The following ZRANB3 variants were observed in gnomAD, a reference collection of about 807,000 sequenced individuals.
ZRANB3 encodes DNA annealing helicase and endonuclease ZRANB3.
Under a neutral mutation model 133.8 loss-of-function variants are expected in ZRANB3, and 125 were observed. The ratio of observed to expected loss-of-function variants is 0.93; its 90% CI spans 0.81 to 1.08. ZRANB3 has a LOEUF of 1.08. Ranked by LOEUF, ZRANB3 falls within the 50% of genes least tolerant of loss-of-function variation. The pLI is 0.00. For missense variants in ZRANB3, 1,229 were observed against 1,275.5 expected, an observed-to-expected ratio of 0.96 and a Z score of 0.56; for synonymous variants, 387 against 432.7, an observed-to-expected ratio of 0.89 and a Z score of 1.31.
chr2:135,354,551 T>A (rs566168376), intron 3 of ZRANB3, among the ~76,000 whole-genome samples: 1 of 152,326 alleles, frequency 6.6e-6, no homozygotes, highest in East Asian at 1.9e-4. Context: ...TGTGCATGAA[T>A]AATCAAATGA....
chr2:135,353,559 T>C lies in ZRANB3; in HGVS notation c.250A>G (p.Ile84Val), dbSNP rs572388412. Residue 84 changes from isoleucine (I) to valine (V), a missense_variant, in exon 4 of 21, where the codon ATA (isoleucine) becomes GTA (valine). Ile to Val is a conservative substitution (Grantham distance 29, BLOSUM62 3). Coordinates refer to ENST00000264159, the MANE Select transcript of ZRANB3 (RefSeq NM_032143.4). Reference sequence around the variant, plus strand: ...TACCTCAGAGACGAAGGGACCACTATTAACAGAGGCCATTCCTCTTTATAG... The same window carrying C: ...TACCTCAGAGACGAAGGGACCACTACTAACAGAGGCCATTCCTCTTTATAG... ...YFYKEEWPLL[I>V]VVPSSLRYPW... 2.5e-6 allele frequency: 4 copies of C among 1,609,286 alleles called. No individual in the cohort carries two copies. In the South Asian group the frequency reaches 4.4e-5, roughly 18 times the overall value.
chr2:135,357,388 T>A (rs1297879621), intron 3 of ZRANB3, among the ~76,000 whole-genome samples: 1 of 152,066 alleles, frequency 6.6e-6, no homozygotes, highest in African/African-American at 2.4e-5. Context: ...GTCTGCCTCC[T>A]GGGTTCAAGC....
At chr2:135,373,306 T>C (rs758680995) in intron 3 of ZRANB3, among the ~76,000 whole-genome samples, 2 of 152,044 alleles carry the variant, frequency 1.3e-5, no homozygotes, top group Non-Finnish European at 2.9e-5. Flanking sequence ...TAGGATATGA[T>C]TCAAACTACA....
At chr2:135,418,906 T>C (rs1187085303) in intron 2 of ZRANB3, among the ~76,000 whole-genome samples, 2 of 146,308 alleles carry the variant, frequency 1.4e-5, no homozygotes, top group African/African-American at 5.0e-5. Flanking sequence ...GCCAAAGTAA[T>C]GAAAAATAAG....
rs2105109218 is a variant in ZRANB3, at chr2:135,262,857, T to C, written c.1539+2677A>G. Among the ~76,000 whole-genome samples the C allele has an allele frequency of 1.3e-5, 2 of 151,900 alleles. 1 individual carries two copies. Among genetic ancestry groups the C allele is most frequent in the Admixed American group, 1.3e-4 (2 of 15,270 alleles). On this transcript the variant is annotated intron_variant, in intron 12 of 20. Transcript: ENST00000264159. ...TAAATTACAAATTTCTCTAATATATTATTTCTTATTAAATTTATAAATAAT... is the reference window on the plus strand; with the variant it reads ...TAAATTACAAATTTCTCTAATATATCATTTCTTATTAAATTTATAAATAAT...
At chr2:135,436,636 A>G (rs1249150131) in intron 2 of ZRANB3, among the ~76,000 whole-genome samples, 1 of 152,232 alleles carries the variant, frequency 6.6e-6, no homozygotes, top group South Asian at 2.1e-4. Context: ...ATGGAAGAAC[A>G]TCTCATGCTC....
intron 2 of ZRANB3, among the ~76,000 whole-genome samples, chr2:135,436,928 C>T (rs910003525): frequency 2.6e-5 from 4 of 152,192 alleles, no homozygotes; most frequent in South Asian, 2.1e-4. Context: ...GGAAACAACA[C>T]AAATGTTCAT....
intron 8 of ZRANB3, among the ~76,000 whole-genome samples, chr2:135,285,306 T>G (rs1042097061): frequency 3.3e-5 from 5 of 152,228 alleles, no homozygotes; most frequent in African/African-American, 1.2e-4. Flanking sequence ...AATATACTCT[T>G]TCATCCTCTA....
chr2:135,485,190 T>A (rs112105522), intron 2 of ZRANB3, among the ~76,000 whole-genome samples: 107 of 139,856 alleles, frequency 7.7e-4, no homozygotes, highest in East Asian at 4.7e-3. Context: ...AAACAAAACA[T>A]AACATAACAT....
intron 2 of ZRANB3, among the ~76,000 whole-genome samples, chr2:135,496,848 CG>C (rs1553504751): frequency 6.6e-6 from 1 of 152,134 alleles, no homozygotes; most frequent in Non-Finnish European, 1.5e-5. Flanking sequence ...AAGCCCAATG[CG>C]ATACCAACTC....
intron 8 of ZRANB3, among the ~76,000 whole-genome samples, chr2:135,287,600 T>A (rs1391238968): frequency 6.6e-6 from 1 of 152,050 alleles, no homozygotes; most frequent in Non-Finnish European, 1.5e-5. Flanking sequence ...CGTCTGTGAT[T>A]TCCTTCAGCA....
At chr2:135,436,015 C>T (rs949910591) in intron 2 of ZRANB3, among the ~76,000 whole-genome samples, 9 of 152,096 alleles carry the variant, frequency 5.9e-5, no homozygotes, top group East Asian at 1.9e-4. Flanking sequence ...CTTCTGTTTT[C>T]GTTGCAATTG....
chr2:135,391,617 T>C (rs1453628523), intron 2 of ZRANB3, among the ~76,000 whole-genome samples: 1 of 151,266 alleles, frequency 6.6e-6, no homozygotes, highest in Non-Finnish European at 1.5e-5. Context: ...TCTCGCTCTG[T>C]TGCCCAGGCT....
At chr2:135,441,973 A>G (rs1344926668) in intron 2 of ZRANB3, among the ~76,000 whole-genome samples, 3 of 152,188 alleles carry the variant, frequency 2.0e-5, no homozygotes, top group Middle Eastern at 3.4e-3. Flanking sequence ...ACATTCAACA[A>G]TGAGGGATAT....
At chr2:135,390,223 T>C (rs56217954) in intron 3 of ZRANB3, among the ~76,000 whole-genome samples, 6,740 of 152,156 alleles carry the variant, frequency 0.044, 498 homozygotes, top group African/African-American at 0.16. Flanking sequence ...CAGCAACACA[T>C]TTCTCAAACG....
At chr2:135,252,435 G>C (rs967449097) in intron 12 of ZRANB3, among the ~76,000 whole-genome samples, 11 of 152,076 alleles carry the variant, frequency 7.2e-5, no homozygotes, top group African/African-American at 2.4e-4. Context: ...AATGCCTTTG[G>C]GAATGGCTGT....
chr2:135,469,438 A>T (rs1342071595), intron 2 of ZRANB3, among the ~76,000 whole-genome samples: 1 of 152,210 alleles, frequency 6.6e-6, no homozygotes, highest in Non-Finnish European at 1.5e-5. Flanking sequence ...AACTATCACA[A>T]GGAGGGTTAT....
chr2:135,425,780 G>A (rs1428441356), intron 2 of ZRANB3, among the ~76,000 whole-genome samples: 3 of 151,680 alleles, frequency 2.0e-5, no homozygotes, highest in Non-Finnish European at 2.9e-5. Flanking sequence ...CACACCAAGA[G>A]GAAATAGAGA....
In ZRANB3 at chr2:135,297,430, G is replaced by A. The variant is rs370949075; in HGVS notation, c.966+16059C>T. ...CGTTTGTGAAGCCCATTGGAAAAGCGCAGTATTAGGGTGGGAGTGACCCAA... is the reference window on the plus strand; with the variant it reads ...CGTTTGTGAAGCCCATTGGAAAAGCACAGTATTAGGGTGGGAGTGACCCAA... On this transcript the variant is annotated intron_variant, in intron 8 of 20. Transcript: ENST00000264159. Among the ~76,000 whole-genome samples the A allele has an allele frequency of 1.2e-4, 19 of 152,256 alleles. No homozygotes were observed. In the South Asian group the frequency reaches 2.1e-3, roughly 17 times the overall value.
Sources: gnomAD v4.1 joint callset for allele counts (sites outside exome capture counted in the v4.1 genomes callset) on GRCh38, gnomAD v4.1.1 for gene constraint, MANE v1.5 for transcripts, NCBI Gene and HGNC (gene_info 2026-07-23, HGNC 2026-07-21) for gene names.